CNTN5: variants seen among roughly 807,000 people sequenced by gnomAD.
The protein encoded by CNTN5 is contactin-5.
Under a neutral mutation model 129.1 loss-of-function variants are expected in CNTN5, and 77 were observed. The ratio of observed to expected loss-of-function variants is 0.60; its 90% CI spans 0.50 to 0.72. The LOEUF (loss-of-function observed/expected upper bound fraction) is 0.72, where lower values mean the gene tolerates loss of function less well. Among genes scored for constraint, CNTN5 ranks in the 30% least tolerant of loss-of-function variants. The pLI is 0.00. For synonymous variants in CNTN5, 509 were observed against 465.6 expected (o/e 1.09, Z -1.20); for missense variants, 1,478 against 1,328.8 (o/e 1.11, Z -1.75).
chr11:100,147,755 C>T (rs955057947), intron 13 of CNTN5, among the ~76,000 whole-genome samples: 1 of 151,778 alleles, frequency 6.6e-6, no homozygotes, highest in Non-Finnish European at 1.5e-5. Context: ...CAAAAACCTG[C>T]CTTGAACTTT....
intron 15 of CNTN5, among the ~76,000 whole-genome samples, chr11:100,219,340 C>T (rs777087104): frequency 3.9e-5 from 6 of 152,182 alleles, no homozygotes; most frequent in Non-Finnish European, 8.8e-5. Context: ...GTTAAACAGT[C>T]TCATCATCAG....
At chr11:99,031,962 T>A (rs1272356495) in intron 1 of CNTN5, among the ~76,000 whole-genome samples, 6 of 132,140 alleles carry the variant, frequency 4.5e-5, no homozygotes. Flanking sequence ...TTCCCTTTCC[T>A]GTGTCCATGT....
chr11:99,585,033 A>G (rs1242654983), intron 3 of CNTN5, among the ~76,000 whole-genome samples: 1 of 152,246 alleles, frequency 6.6e-6, no homozygotes, highest in African/African-American at 2.4e-5. Context: ...CCCAATTCTT[A>G]GAGACTTACC....
At chr11:100,280,713 C>T (rs1035866582) in intron 18 of CNTN5, among the ~76,000 whole-genome samples, 1 of 152,006 alleles carries the variant, frequency 6.6e-6, no homozygotes, top group African/African-American at 2.4e-5. Context: ...CTTACTCCTG[C>T]CATTTTATTA....
At chr11:100,070,590 C>T (rs2059014) in intron 11 of CNTN5, 30 bp downstream of exon 11, 1,216,001 of 1,606,404 alleles carry the variant, frequency 0.76, 465,140 homozygotes, top group East Asian at 0.99. Context: ...ACCTGTTCTG[C>T]TGTAATTTTA....
chr11:99,183,163 C>G (rs1290965974), intron 1 of CNTN5, among the ~76,000 whole-genome samples: 1 of 152,098 alleles, frequency 6.6e-6, no homozygotes, highest in Non-Finnish European at 1.5e-5. Flanking sequence ...TGGAAACTAA[C>G]CTTTCACTAA....
At chr11:100,008,941 G>A (rs568629028) in intron 9 of CNTN5, among the ~76,000 whole-genome samples, 50 of 152,140 alleles carry the variant, frequency 3.3e-4, no homozygotes, top group African/African-American at 1.1e-3. Flanking sequence ...TGTCCTTAAT[G>A]GTGTTCAGTT....
At chr11:99,549,646 T>C (rs1018578328) in intron 2 of CNTN5, among the ~76,000 whole-genome samples, 4 of 152,130 alleles carry the variant, frequency 2.6e-5, no homozygotes, top group Non-Finnish European at 5.9e-5. Flanking sequence ...TTAGTCATGA[T>C]ATCCAGTTCC....
At chr11:99,622,442 C>G (rs10501920) in intron 3 of CNTN5, among the ~76,000 whole-genome samples, 21,787 of 151,898 alleles carry the variant, frequency 0.14, 1,766 homozygotes, top group South Asian at 0.24. Flanking sequence ...TGCCAAAACT[C>G]TAGGAAAAGA....
At chr11:99,406,407 C>CTG (rs531350755) in intron 2 of CNTN5, among the ~76,000 whole-genome samples, 1 of 129,602 alleles carries the variant, frequency 7.7e-6, no homozygotes, top group Non-Finnish European at 1.6e-5. Flanking sequence ...GAGTCTCTCT[C>CTG]TCTCTCTCTC....
At chr11:100,107,431 G>A (rs529549330) in intron 13 of CNTN5, among the ~76,000 whole-genome samples, 29 of 150,276 alleles carry the variant, frequency 1.9e-4, no homozygotes, top group African/African-American at 6.8e-4. Context: ...GCAAATCCCA[G>A]AATGCATTAG....
chr11:99,322,921 T>C (rs1865628789), intron 1 of CNTN5, among the ~76,000 whole-genome samples: 1 of 152,184 alleles, frequency 6.6e-6, no homozygotes, highest in African/African-American at 2.4e-5. Context: ...AAGATAAATG[T>C]ATGTTGACCT....
chr11:99,750,226 CTCTA>C (rs1224374803), intron 3 of CNTN5, among the ~76,000 whole-genome samples: 2 of 151,974 alleles, frequency 1.3e-5, no homozygotes, highest in Non-Finnish European at 2.9e-5. Context: ...ATGTTTTTCT[CTCTA>C]TATTTCATGT....
At position 99,358,264 on chromosome 11, in the gene CNTN5, T is replaced by TTTC. The variant is rs1555119937; in HGVS notation, c.-71+32782_-71+32783insCTT. Reference sequence around the variant, plus strand: ...CCACCACGCCCTGCTGATTTTTTTTTTTTTTTTTTTTAGTAGAGATGGGGT... The same window carrying TTTC: ...CCACCACGCCCTGCTGATTTTTTTTTTTCTTTTTTTTTTTAGTAGAGATGGGGT... On this transcript the variant is annotated intron_variant, in intron 2 of 24. Coordinates refer to ENST00000524871, the MANE Select transcript of CNTN5 (RefSeq NM_014361.4). 3.7e-4 allele frequency among the ~76,000 whole-genome samples: 41 copies of TTTC among 110,828 alleles called. 5 individuals are homozygous for TTTC. Among genetic ancestry groups the TTTC allele is most frequent in the African/African-American group, 9.4e-4 (29 of 30,842 alleles). 72.7% of individuals were successfully genotyped at this position (110,828 alleles called of 152,430 possible). A position where few individuals can be genotyped will look rare whatever the true frequency, so the allele number is the denominator to read the frequency against.
intron 1 of CNTN5, among the ~76,000 whole-genome samples, chr11:99,299,767 A>G (rs1591489314): frequency 6.6e-6 from 1 of 152,242 alleles, no homozygotes; most frequent in East Asian, 1.9e-4. Flanking sequence ...TAGTGTGCGC[A>G]TGTGTGTGTG....
chr11:100,021,621 C>G (rs1015532431), intron 9 of CNTN5, among the ~76,000 whole-genome samples: 1 of 152,090 alleles, frequency 6.6e-6, no homozygotes, highest in Non-Finnish European at 1.5e-5. Context: ...GATATTAATA[C>G]AGATACTTCA....
intron 15 of CNTN5, among the ~76,000 whole-genome samples, chr11:100,197,922 T>A (rs1030673634): frequency 6.6e-6 from 1 of 151,872 alleles, no homozygotes; most frequent in Non-Finnish European, 1.5e-5. Flanking sequence ...TCCTTCACAT[T>A]TACCCAATTC....
intron 13 of CNTN5, among the ~76,000 whole-genome samples, chr11:100,164,581 G>C (rs1047604729): frequency 3.3e-5 from 5 of 151,714 alleles, no homozygotes; most frequent in African/African-American, 1.2e-4. Flanking sequence ...ATATAATTTT[G>C]TTCTGTTCTC....
intron 1 of CNTN5, among the ~76,000 whole-genome samples, chr11:99,227,701 G>C (rs892598389): frequency 2.6e-5 from 4 of 152,098 alleles, no homozygotes; most frequent in Non-Finnish European, 5.9e-5. Context: ...TTGAATTCAA[G>C]ATTATTTGAA....
Sources: allele counts gnomAD v4.1 joint callset (sites outside exome capture counted in the v4.1 genomes callset), GRCh38; gene constraint gnomAD v4.1.1; transcripts MANE v1.5; gene names NCBI Gene and HGNC (gene_info 2026-07-23, HGNC 2026-07-21).